STX8: variants seen among roughly 807,000 people sequenced by gnomAD.
STX8 encodes the protein syntaxin-8.
A neutral mutation model predicts 37.5 loss-of-function variants in STX8; 23 were observed. The observed-to-expected ratio is 0.61, with a 90% CI of 0.44 to 0.87. STX8 has a LOEUF of 0.87. STX8 is among the 40% of genes least tolerant of loss of function. The pLI, the probability that STX8 is intolerant of heterozygous loss-of-function variation, is 0.00. For synonymous variants in STX8, 115 were observed against 99.1 expected (o/e 1.16, Z -0.95); for missense variants, 313 against 284.7 (o/e 1.10, Z -0.71).
chr17:9,287,159 G>A (rs1324513610), intron 7 of STX8, among the ~76,000 whole-genome samples: 1 of 152,182 alleles, frequency 6.6e-6, no homozygotes, highest in Non-Finnish European at 1.5e-5. Context: ...CAAAATGTCA[G>A]GAGATGGAAA....
At chr17:9,430,535 G>A (rs898708565) in intron 6 of STX8, among the ~76,000 whole-genome samples, 12 of 151,440 alleles carry the variant, frequency 7.9e-5, no homozygotes, top group Non-Finnish European at 1.5e-5. Context: ...ATATGTAATC[G>A]CATATATCAA....
chr17:9,444,146 T>A (rs750171186), intron 6 of STX8, among the ~76,000 whole-genome samples: 1 of 147,288 alleles, frequency 6.8e-6, no homozygotes, highest in Non-Finnish European at 1.5e-5. Flanking sequence ...CACATTCTTC[T>A]CTCTTTCTCT....
intron 7 of STX8, among the ~76,000 whole-genome samples, chr17:9,256,834 C>A (rs1906816588): frequency 6.6e-6 from 1 of 152,244 alleles, no homozygotes; most frequent in Non-Finnish European, 1.5e-5. Context: ...GCAGAACTTC[C>A]TTCTTCTGCC....
At chr17:9,547,246 C>CAAAAAAAAAAAAAAAAAAAA (rs11300957) in intron 3 of STX8, 11 of 129,630 alleles carry the variant, frequency 8.5e-5, no homozygotes, top group African/African-American at 3.0e-4. Flanking sequence ...GACTCTGTCT[C>CAAAAAAAAAAAAAAAAAAAA]AAAAAAAAAA....
chr17:9,536,750 T>A (rs116737328), intron 4 of STX8, among the ~76,000 whole-genome samples: 3,471 of 150,888 alleles, frequency 0.023, 94 homozygotes, highest in African/African-American at 0.071. Flanking sequence ...TATTATTATT[T>A]TTTTTTTTTT....
At chr17:9,256,799 C>T (rs916232568) in intron 7 of STX8, among the ~76,000 whole-genome samples, 1 of 152,214 alleles carries the variant, frequency 6.6e-6, no homozygotes, top group Admixed American at 6.5e-5. Context: ...TGGGACCTCA[C>T]ATCGTACTCG....
intron 5 of STX8, among the ~76,000 whole-genome samples, chr17:9,497,959 G>C (rs1904466717): frequency 6.6e-6 from 1 of 152,182 alleles, no homozygotes; most frequent in South Asian, 2.1e-4. Context: ...ATACTAGAGA[G>C]CCCTCTGAGT....
At chr17:9,563,257 G>A (rs1224612858) in intron 2 of STX8, among the ~76,000 whole-genome samples, 1 of 151,600 alleles carries the variant, frequency 6.6e-6, no homozygotes, top group Admixed American at 6.6e-5. Context: ...ATCTCGGCTC[G>A]CTGTAACCTC....
chr17:9,339,950 T>C (rs1041191684), intron 7 of STX8, among the ~76,000 whole-genome samples: 5 of 152,234 alleles, frequency 3.3e-5, no homozygotes, highest in Non-Finnish European at 5.9e-5. Flanking sequence ...TGTATGAGCA[T>C]GATTGTGGTG....
rs375475612 is a variant in STX8 at position 9,542,679 on chromosome 17, A to AAAATAAAT, written c.323+2485_323+2492dup. On this transcript the variant is annotated intron_variant, in intron 4 of 7. Transcript: ENST00000306357. ...GCGACAGAGCAAGACTCCATCTCAA[A>AAAATAAAT]AAATAAATAAATAAATAAATAAATA... is the stretch of plus-strand genomic sequence containing the variant. 7.2e-3 allele frequency among the ~76,000 whole-genome samples: 1,092 copies of AAAATAAAT among 151,158 alleles called. 14 individuals are homozygous for AAAATAAAT. The highest frequency in any genetic ancestry group is 0.023 in the African/African-American group (936 of 40,882).
At chr17:9,330,431 C>T (rs879508676) in intron 7 of STX8, among the ~76,000 whole-genome samples, 1 of 152,158 alleles carries the variant, frequency 6.6e-6, no homozygotes, top group Non-Finnish European at 1.5e-5. Context: ...CTCCCACCCC[C>T]CAACCCGGTC....
At chr17:9,366,871 C>T (rs1180813481) in intron 7 of STX8, among the ~76,000 whole-genome samples, 5 of 152,154 alleles carry the variant, frequency 3.3e-5, no homozygotes, top group Middle Eastern at 3.4e-3. Flanking sequence ...ACTGATGTGG[C>T]GGGATAAATC....
intron 7 of STX8, among the ~76,000 whole-genome samples, chr17:9,312,533 A>T (rs908161735): frequency 3.3e-5 from 5 of 152,194 alleles, no homozygotes; most frequent in African/African-American, 1.2e-4. Context: ...ATCATAAAAG[A>T]TAGTAAATGC....
At chr17:9,386,446 A>G (rs558185320) in intron 6 of STX8, among the ~76,000 whole-genome samples, 1 of 152,284 alleles carries the variant, frequency 6.6e-6, no homozygotes, top group South Asian at 2.1e-4. Context: ...ACATGAGGAA[A>G]CTTTCTGGGA....
At chr17:9,460,788 G>T (rs906394907) in intron 6 of STX8, among the ~76,000 whole-genome samples, 1 of 151,958 alleles carries the variant, frequency 6.6e-6, no homozygotes, top group East Asian at 1.9e-4. Flanking sequence ...TTTGTCATCA[G>T]ACTGATCTGG....
intron 4 of STX8, among the ~76,000 whole-genome samples, chr17:9,534,213 T>TA (rs1905936270): frequency 6.6e-6 from 1 of 151,624 alleles, no homozygotes; most frequent in Non-Finnish European, 1.5e-5. Context: ...AAGTACAATT[T>TA]AAAAAACCTG....
chr17:9,263,935 A>G (rs905952939), intron 7 of STX8, among the ~76,000 whole-genome samples: 1 of 152,180 alleles, frequency 6.6e-6, no homozygotes, highest in Non-Finnish European at 1.5e-5. Context: ...TACCTCACCA[A>G]CAGAATATGG....
Position 9,543,300 on chromosome 17 carries a change from G to GTT in STX8, c.323+1870_323+1871dup, listed in dbSNP as rs34779697. Among the ~76,000 whole-genome samples, 356 of 148,692 alleles carry GTT rather than the reference G, an allele frequency of 2.4e-3. 2 individuals carry two copies. The highest frequency in any genetic ancestry group is 4.8e-3 in the African/African-American group (196 of 40,504). On this transcript the variant is annotated intron_variant, in intron 4 of 7. Transcript: ENST00000306357. ...GCCCCTTCTAGAAGACAGTTTTTTGGTTTTTTTTTTTGAGACGGAGTCTTG... is the reference window on the plus strand; with the variant it reads ...GCCCCTTCTAGAAGACAGTTTTTTGGTTTTTTTTTTTTTGAGACGGAGTCTTG...
Position 9,494,366 on chromosome 17 carries a change from C to T in STX8, c.449-2445G>A, listed in dbSNP as rs565581094. Among the ~76,000 whole-genome samples the T allele has an allele frequency of 3.3e-5, 5 of 151,356 alleles. No homozygotes were observed. In the South Asian group the frequency reaches 1.0e-3, roughly 32 times the overall value. Reference sequence around the variant, plus strand: ...GCAGGAAGCTGGGCGCAGTGGCTCACGCCTGTAATCCCAGCACTTTAGGGG... The same window carrying T: ...GCAGGAAGCTGGGCGCAGTGGCTCATGCCTGTAATCCCAGCACTTTAGGGG... On this transcript the variant is annotated intron_variant, in intron 5 of 7. Transcript: ENST00000306357.
Sources: allele counts gnomAD v4.1 joint callset (sites outside exome capture counted in the v4.1 genomes callset), GRCh38; gene constraint gnomAD v4.1.1; transcripts MANE v1.5; gene names NCBI Gene and HGNC (gene_info 2026-07-23, HGNC 2026-07-21).